The following PPP2R5E variants were observed in gnomAD, a reference collection of about 807,000 sequenced individuals.
The protein encoded by PPP2R5E is serine/threonine-protein phosphatase 2A 56 kDa regulatory subunit epsilon isoform.
A neutral mutation model predicts 65.3 loss-of-function variants in PPP2R5E; 4 were observed. The ratio of observed to expected loss-of-function variants is 0.06; its 90% confidence interval spans 0.03 to 0.14. The LOEUF is 0.14. Among genes scored for constraint, PPP2R5E ranks in the 10% least tolerant of loss-of-function variants. The probability of loss-of-function intolerance (pLI) is 1.00; values close to 1 mark genes in which losing one functional copy is unlikely to be tolerated. For synonymous variants in PPP2R5E, 183 were observed against 187.4 expected, an observed-to-expected ratio of 0.98 and a Z score of 0.19; for missense variants, 274 against 556.1, an observed-to-expected ratio of 0.49 and a Z score of 5.10.
intron 2 of PPP2R5E, among the ~76,000 whole-genome samples, chr14:63,515,011 G>T (rs1208777414): frequency 6.6e-6 from 1 of 152,110 alleles, no homozygotes; most frequent in South Asian, 2.1e-4. Context: ...ACTCTACCCT[G>T]CTGAACATGC....
At chr14:63,409,189 T>C (rs1305432121) in intron 5 of PPP2R5E, among the ~76,000 whole-genome samples, 1 of 152,018 alleles carries the variant, frequency 6.6e-6, no homozygotes, top group Non-Finnish European at 1.5e-5. Flanking sequence ...GCTGAGACTG[T>C]ACCACTGCAC....
intron 2 of PPP2R5E, among the ~76,000 whole-genome samples, chr14:63,460,204 T>C (rs1889376023): frequency 1.3e-5 from 2 of 152,190 alleles, no homozygotes; most frequent in Non-Finnish European, 2.9e-5. Context: ...ACATTATCCC[T>C]TTTAATCCTC....
chr14:63,516,443 A>G (rs1892675335), intron 2 of PPP2R5E, among the ~76,000 whole-genome samples: 1 of 152,246 alleles, frequency 6.6e-6, no homozygotes, highest in Non-Finnish European at 1.5e-5. Context: ...AAGTTCACAG[A>G]TGAAGAAAAA....
chr14:63,427,913 T>C (rs371282758), intron 3 of PPP2R5E, among the ~76,000 whole-genome samples: 10 of 152,296 alleles, frequency 6.6e-5, no homozygotes, highest in African/African-American at 1.9e-4. Flanking sequence ...TTCCTTCTGA[T>C]ACATCACTTC....
At chr14:63,460,613 G>T (rs1594898068) in intron 2 of PPP2R5E, among the ~76,000 whole-genome samples, 2 of 152,270 alleles carry the variant, frequency 1.3e-5, no homozygotes, top group East Asian at 3.9e-4. Context: ...GTTTAGGCAG[G>T]TAGGTTTAAG....
At chr14:63,399,627 A>G (rs956677494) in intron 5 of PPP2R5E, among the ~76,000 whole-genome samples, 2 of 152,062 alleles carry the variant, frequency 1.3e-5, no homozygotes, top group Admixed American at 1.3e-4. Context: ...GGTGAATTTT[A>G]TGGTGTATGA....
chr14:63,500,827 C>CT (rs950427419), intron 2 of PPP2R5E, among the ~76,000 whole-genome samples: 5 of 151,528 alleles, frequency 3.3e-5, no homozygotes, highest in African/African-American at 1.2e-4. Flanking sequence ...GATTGCACCA[C>CT]TACACAATCA....
At chr14:63,531,185 G>A (rs1317615278) in intron 2 of PPP2R5E, among the ~76,000 whole-genome samples, 2 of 152,016 alleles carry the variant, frequency 1.3e-5, no homozygotes, top group African/African-American at 4.8e-5. Context: ...AAGAAAGAAA[G>A]AAAAAAATAA....
intron 3 of PPP2R5E, among the ~76,000 whole-genome samples, chr14:63,441,046 CCT>C (rs1303721656): frequency 6.6e-6 from 1 of 151,612 alleles, no homozygotes; most frequent in Admixed American, 6.6e-5. Context: ...AGTTTCTTAA[CCT>C]CTCTCTTCCT....
At chr14:63,385,553 C>T (rs978090864) in intron 11 of PPP2R5E, among the ~76,000 whole-genome samples, 4 of 152,150 alleles carry the variant, frequency 2.6e-5, no homozygotes, top group African/African-American at 9.7e-5. Context: ...AGCATTCAGT[C>T]ACAGCTACTG....
chr14:63,392,052 A>T (rs750566730), intron 8 of PPP2R5E, 27 bp from the exon 9 acceptor site: 13 of 1,556,148 alleles, frequency 8.4e-6, no homozygotes, highest in Middle Eastern at 2.3e-4. Context: ...ATAAAAGGCA[A>T]AATTTTAAAT....
At chr14:63,419,951 A>G (rs1886910863) in intron 4 of PPP2R5E, among the ~76,000 whole-genome samples, 1 of 152,218 alleles carries the variant, frequency 6.6e-6, no homozygotes, top group African/African-American at 2.4e-5. Flanking sequence ...AGTGTAAGCT[A>G]GAGTGGTTTT....
chr14:63,441,223 C>T (rs1012423171), intron 3 of PPP2R5E, among the ~76,000 whole-genome samples: 2 of 152,130 alleles, frequency 1.3e-5, no homozygotes, highest in Non-Finnish European at 2.9e-5. Flanking sequence ...TAGTACACAC[C>T]TTTGTGAAGA....
At chr14:63,527,278 C>G (rs527641519) in intron 2 of PPP2R5E, among the ~76,000 whole-genome samples, 4 of 152,164 alleles carry the variant, frequency 2.6e-5, no homozygotes, top group African/African-American at 9.7e-5. Context: ...ATTCCAGAAA[C>G]AAGAAATCTG....
chr14:63,515,448 G>A (rs1436306212), intron 2 of PPP2R5E, among the ~76,000 whole-genome samples: 3 of 152,118 alleles, frequency 2.0e-5, no homozygotes, highest in East Asian at 1.9e-4. Context: ...CACTGTCAGT[G>A]ATTTCTTGGA....
Position 63,438,031 on chromosome 14 carries a change from G to A in PPP2R5E, c.354+15658C>T, listed in dbSNP as rs142412496. On this transcript the variant is annotated intron_variant, in intron 3 of 13. Transcript: ENST00000337537. Reference sequence around the variant, plus strand: ...TTGCACCATTTTTCAGAGGCAACTTGCTCCTGAGAAGTCACTGAATAGCAT... The same window carrying A: ...TTGCACCATTTTTCAGAGGCAACTTACTCCTGAGAAGTCACTGAATAGCAT... Among the ~76,000 whole-genome samples, 124 of 152,256 alleles carry A rather than the reference G, an allele frequency of 8.1e-4. 2 individuals are homozygous for A. Among genetic ancestry groups the A allele is most frequent in the African/African-American group, 2.9e-3 (121 of 41,532 alleles).
intron 2 of PPP2R5E, among the ~76,000 whole-genome samples, chr14:63,513,269 A>G (rs1322246697): frequency 6.6e-6 from 1 of 152,200 alleles, no homozygotes; most frequent in Non-Finnish European, 1.5e-5. Context: ...GCACTGGTGT[A>G]TTCAAAATAC....
intron 3 of PPP2R5E, among the ~76,000 whole-genome samples, chr14:63,437,147 G>T (rs769004834): frequency 2.0e-5 from 3 of 152,126 alleles, no homozygotes; most frequent in Non-Finnish European, 4.4e-5. Flanking sequence ...GTTTACAAAT[G>T]CCATGGCAAT....
chr14:63,413,399 C>T (rs1453128946), intron 5 of PPP2R5E, among the ~76,000 whole-genome samples: 4 of 152,310 alleles, frequency 2.6e-5, no homozygotes, highest in Admixed American at 6.5e-5. Context: ...GATGTGAGGG[C>T]TACTTCTCCC....
Sources: gnomAD v4.1 joint callset for allele counts (sites outside exome capture counted in the v4.1 genomes callset) on GRCh38, gnomAD v4.1.1 for gene constraint, MANE v1.5 for transcripts, NCBI Gene and HGNC (gene_info 2026-07-23, HGNC 2026-07-21) for gene names.